PCDHGB2: variants seen among roughly 807,000 people sequenced by gnomAD.
The protein encoded by PCDHGB2 is protocadherin gamma subfamily B, 2.
A neutral mutation model predicts 59.3 loss-of-function variants in PCDHGB2; 55 were observed. The ratio of observed to expected loss-of-function variants is 0.93; its 90% confidence interval spans 0.75 to 1.16. The LOEUF (loss-of-function observed/expected upper bound fraction) is 1.16. PCDHGB2 is among the 50% of genes most tolerant of loss of function. PCDHGB2 has a pLI of 0.00. For synonymous variants in PCDHGB2, 516 were observed against 512.0 expected (o/e 1.01, Z -0.11); for missense variants, 1,228 against 1,198.5 (o/e 1.02, Z -0.36).
intron 1 of PCDHGB2, among the ~76,000 whole-genome samples, chr5:141,373,240 T>C (rs1021689504): frequency 2.6e-5 from 4 of 152,230 alleles, no homozygotes; most frequent in African/African-American, 9.6e-5. Context: ...TATTTTTACT[T>C]CCCTTTGCAT....
chr5:141,415,206 G>A, intron 1 of PCDHGB2: 4 of 1,614,054 alleles, frequency 2.5e-6, no homozygotes, highest in African/African-American at 1.3e-5. Flanking sequence ...AAGTCCTGGC[G>A]GACCTCGGCA....
Position 141,491,670 on chromosome 5 carries a change from C to T in PCDHGB2, c.2422-3137C>T. The T allele has an allele frequency of 2.5e-6, 4 of 1,613,768 alleles. No individual in the cohort carries two copies. Among genetic ancestry groups the T allele is most frequent in the South Asian group, 1.1e-5 (1 of 91,082 alleles). On this transcript the variant is annotated intron_variant, in intron 1 of 3. Coordinates refer to ENST00000522605, the MANE Select transcript of PCDHGB2 (RefSeq NM_018923.3). The surrounding 1 kb of genome is among the most constrained non-coding windows in gnomAD (Gnocchi z 6.9). ...CGCTGGAGCCTGACGCCATCCGGTC[C>T]CGCTCTAATACGCTGCGGGAGCGGA...
rs753188026 is a variant in PCDHGB2 at position 141,360,893 on chromosome 5, AG to A, written c.760del (p.Asp254ThrfsTer11). On this transcript the variant is annotated frameshift_variant, in exon 1 of 4. Coordinates refer to ENST00000522605, the MANE Select transcript of PCDHGB2 (RefSeq NM_018923.3). LOFTEE classifies it high-confidence loss of function. Reference sequence around the variant, plus strand: ...GACGTGTACAGGGTCACCCTGAGGGAGGACGTGCCGCCGGGCTTCTTTGTGC... The same window carrying A: ...GACGTGTACAGGGTCACCCTGAGGGAGACGTGCCGCCGGGCTTCTTTGTGC... ...SQDVYRVTLR[E>X]DVPPGFFVLQ... 17 of 1,614,046 alleles carry A rather than the reference AG, an allele frequency of 1.1e-5. No homozygotes were observed. The highest frequency in any genetic ancestry group is 1.4e-5 in the Non-Finnish European group (16 of 1,179,884).
At chr5:141,436,239 G>T (rs1426798903) in intron 1 of PCDHGB2, among the ~76,000 whole-genome samples, 2 of 152,012 alleles carry the variant, frequency 1.3e-5, no homozygotes, top group South Asian at 2.1e-4. Flanking sequence ...AAGCTAACAT[G>T]GTCTAATTAT....
intron 1 of PCDHGB2, chr5:141,478,432 G>T (rs1238011675): frequency 6.2e-7 from 1 of 1,613,728 alleles, no homozygotes; most frequent in Admixed American, 1.7e-5. Context: ...GCGACCCGCT[G>T]CTGAAGAAAC....
intron 1 of PCDHGB2, among the ~76,000 whole-genome samples, chr5:141,420,727 G>C (rs1454487477): frequency 2.0e-5 from 3 of 152,180 alleles, no homozygotes; most frequent in African/African-American, 7.2e-5. Flanking sequence ...CTTTCAGTCG[G>C]TTAAAATCAA....
chr5:141,371,336 C>T (rs2149982904), intron 1 of PCDHGB2: 1 of 1,613,926 alleles, frequency 6.2e-7, no homozygotes, highest in Non-Finnish European at 8.5e-7. Context: ...AGAGAGATAG[C>T]TACACAATTG....
At chr5:141,448,707 G>A (rs1455790773) in intron 1 of PCDHGB2, among the ~76,000 whole-genome samples, 4 of 152,228 alleles carry the variant, frequency 2.6e-5, no homozygotes, top group South Asian at 2.1e-4. Flanking sequence ...TTGGGAGGCC[G>A]AGGCGGGAGG....
intron 1 of PCDHGB2, among the ~76,000 whole-genome samples, chr5:141,492,118 TC>T (rs1338861093): frequency 6.6e-6 from 1 of 152,176 alleles, no homozygotes; most frequent in Non-Finnish European, 1.5e-5. Flanking sequence ...CTTCGATTTC[TC>T]CCCAGCTCCC....
intron 1 of PCDHGB2, chr5:141,372,535 G>T (rs1257455687): frequency 1.9e-6 from 3 of 1,613,808 alleles, no homozygotes; most frequent in East Asian, 2.2e-5. Flanking sequence ...ATCTCCCTGC[G>T]CCTGCGATGC....
rs979645454 is a variant in PCDHGB2 at position 141,364,198 on chromosome 5, C to T, written c.2421+1642C>T. 3.6e-6 allele frequency: 4 copies of T among 1,108,464 alleles called. No individual in the cohort carries two copies. In the African/African-American group the frequency reaches 4.8e-5, roughly 13 times the overall value. 68.7% of individuals were successfully genotyped at this position (1,108,464 alleles called of 1,614,324 possible). ...GCTCCCTCCATACTAAACACACAGACCAGACAAGCTCCTACGAAAAGCCAA... is the reference window on the plus strand; with the variant it reads ...GCTCCCTCCATACTAAACACACAGATCAGACAAGCTCCTACGAAAAGCCAA... On this transcript the variant is annotated intron_variant, in intron 1 of 3. Transcript: ENST00000522605.
intron 1 of PCDHGB2, chr5:141,364,809 C>T (rs779195716): frequency 3.1e-6 from 5 of 1,613,834 alleles, no homozygotes; most frequent in Non-Finnish European, 4.2e-6. Flanking sequence ...GCGCGGGATG[C>T]GGATGTGGGT....
chr5:141,361,692 C>T lies in PCDHGB2; in HGVS notation c.1557C>T (p.Ala519=), dbSNP rs1321631953. Residue 519 remains alanine (A), a synonymous_variant, in exon 1 of 4, where the codon GCC becomes GCT. Coordinates refer to ENST00000522605, the MANE Select transcript of PCDHGB2 (RefSeq NM_018923.3). ...GCGGGGTGGTGTTCGCGCAGCGCGC[C>T]TTCGATCATGAGCAGCTGCGCGCCT... ...AQSGVVFAQR[A]FDHEQLRAFE... The T allele has an allele frequency of 3.7e-6, 6 of 1,613,512 alleles. No homozygotes were observed. Among genetic ancestry groups the T allele is most frequent in the Non-Finnish European group, 5.1e-6 (6 of 1,179,874 alleles).
At chr5:141,422,318 G>A (rs778935746) in intron 1 of PCDHGB2, 10 of 1,548,110 alleles carry the variant, frequency 6.5e-6, no homozygotes, top group Non-Finnish European at 7.8e-6. Context: ...TCTCCTCCAG[G>A]TACAGTGATT....
At chr5:141,414,439 T>A in intron 1 of PCDHGB2, 1 of 1,613,874 alleles carries the variant, frequency 6.2e-7, no homozygotes, top group East Asian at 2.2e-5. Context: ...GGTATCCTCT[T>A]ACAATATCAC....
chr5:141,422,194 C>A, intron 1 of PCDHGB2: 1 of 1,562,366 alleles, frequency 6.4e-7, no homozygotes, highest in South Asian at 1.2e-5. Flanking sequence ...AATTCAAGGC[C>A]AAGATGGTGG....
At chr5:141,404,231 A>G (rs1403622769) in intron 1 of PCDHGB2, 1 of 1,613,928 alleles carries the variant, frequency 6.2e-7, no homozygotes, top group Non-Finnish European at 8.5e-7. Context: ...TGCAACAGAC[A>G]GAGGAACTCC....
chr5:141,467,015 T>C (rs1423064392), intron 1 of PCDHGB2, among the ~76,000 whole-genome samples: 1 of 152,072 alleles, frequency 6.6e-6, no homozygotes. Flanking sequence ...GCAATTTTTT[T>C]CCCTTTGTTT....
At position 141,384,236 on chromosome 5, in the gene PCDHGB2, A is replaced by G. The variant is rs199759698; in HGVS notation, c.2421+21680A>G. On this transcript the variant is annotated intron_variant, in intron 1 of 3. Transcript: ENST00000522605. ...ATATTCATGCAGGTGGCAGACACCA[A>G]CGATAACCCACCCACCTTCCCCCAC... The G allele has an allele frequency of 1.1e-4, 176 of 1,613,768 alleles. No homozygotes were observed. The highest frequency in any genetic ancestry group is 1.5e-4 in the Non-Finnish European group (172 of 1,179,900).
Sources: gnomAD v4.1 joint callset for allele counts (sites outside exome capture counted in the v4.1 genomes callset) on GRCh38, gnomAD v4.1.1 for gene constraint, Gnocchi (gnomAD v3.1) non-coding constraint, MANE v1.5 for transcripts, NCBI Gene and HGNC (gene_info 2026-07-23, HGNC 2026-07-21) for gene names.